The following RICTOR variants were observed in gnomAD, a reference collection of about 807,000 sequenced individuals.
RICTOR encodes the protein RPTOR independent companion of MTOR complex 2.
RICTOR carries 49 observed loss-of-function variants against 214.9 expected under a neutral mutation model. The observed-to-expected ratio is 0.23, with a 90% CI of 0.18 to 0.29. The LOEUF (loss-of-function observed/expected upper bound fraction) is 0.29. Ranked by LOEUF, RICTOR falls within the 10% of genes least tolerant of loss-of-function variation. RICTOR has a pLI of 1.00. For missense variants in RICTOR, 1,625 were observed against 2,047.0 expected, an observed-to-expected ratio of 0.79 and a Z score of 3.98; for synonymous variants, 717 against 711.3, an observed-to-expected ratio of 1.01 and a Z score of -0.13.
Position 39,008,223 on chromosome 5 carries a change from AT to A in RICTOR, c.196-4602del, listed in dbSNP as rs1561526370. ...ATACATCAAAATTTTAACACCAAAA[AT>A]TTTTTTAACAACAACTCCTCTGCGT... is the stretch of plus-strand genomic sequence containing the variant. On this transcript the variant is annotated intron_variant, in intron 3 of 37. Transcript: ENST00000357387. 1.2e-4 allele frequency among the ~76,000 whole-genome samples: 18 copies of A among 152,188 alleles called. No homozygotes were observed. In the South Asian group the frequency reaches 3.7e-3, roughly 32 times the overall value.
chr5:39,051,035 A>G (rs960659850), intron 2 of RICTOR, among the ~76,000 whole-genome samples: 1 of 109,820 alleles, frequency 9.1e-6, no homozygotes, highest in African/African-American at 3.2e-5. Flanking sequence ...CTCCCCATAC[A>G]TATATATACA....
intron 2 of RICTOR, among the ~76,000 whole-genome samples, chr5:39,030,264 TA>T (rs1379766147): frequency 1.3e-5 from 2 of 152,194 alleles, no homozygotes; most frequent in East Asian, 3.9e-4. Context: ...AACAAATCCT[TA>T]AAAAAACTTT....
chr5:39,039,541 A>G (rs1366432195), intron 2 of RICTOR, among the ~76,000 whole-genome samples: 9 of 152,164 alleles, frequency 5.9e-5, no homozygotes, highest in African/African-American at 1.4e-4. Context: ...CCTACAGAAT[A>G]GGAGAAAATT....
intron 11 of RICTOR, among the ~76,000 whole-genome samples, chr5:38,969,435 T>C (rs893474081): frequency 1.3e-5 from 2 of 152,058 alleles, no homozygotes; most frequent in African/African-American, 4.8e-5. Flanking sequence ...TTTAAAAAAT[T>C]TGAAAATTAT....
chr5:39,030,563 T>C (rs1756201414), intron 2 of RICTOR, among the ~76,000 whole-genome samples: 1 of 152,086 alleles, frequency 6.6e-6, no homozygotes, highest in African/African-American at 2.4e-5. Context: ...TAATTTCTAA[T>C]ATTTTCACTC....
At chr5:39,018,118 A>G (rs566580692) in intron 3 of RICTOR, among the ~76,000 whole-genome samples, 83 of 152,226 alleles carry the variant, frequency 5.5e-4, no homozygotes, top group African/African-American at 1.9e-3. Flanking sequence ...AATAGCAGGC[A>G]TTTTAGTGTT....
chr5:38,974,605 G>C (rs1751054784), intron 10 of RICTOR, among the ~76,000 whole-genome samples: 1 of 151,932 alleles, frequency 6.6e-6, no homozygotes, highest in South Asian at 2.1e-4. Flanking sequence ...GTACTGGGGA[G>C]CTGATGAAGT....
At position 38,942,324 on chromosome 5, in the gene RICTOR, C is replaced by G. The variant is rs150691391; in HGVS notation, c.5107G>C (p.Asp1703His). 6.3e-7 allele frequency: 1 copy of G among 1,596,840 alleles called. No homozygotes were observed. The highest frequency in any genetic ancestry group is 1.3e-5 in the African/African-American group (1 of 74,714). Reference protein sequence around the residue: ...LATPPKQPIVDTSAES With the variant: ...LATPPKQPIVHTSAES ...TGAGGTCAGGATTCAGCAGATGTAT[C>G]AACTATAGGTTGCTTTGGTGGTGTT... The change falls in exon 38 of 38, where the codon GAT becomes CAT. Residue 1703 changes from aspartate to histidine, a missense_variant. By Grantham distance (81) the Asp-to-His change is moderately conservative. Around this residue, in one of 5 missense-constraint regions of RICTOR, gnomAD observed 38 missense variants for 34.8 expected, o/e 1.09. Transcript: ENST00000357387.
chr5:38,956,098 A>C (rs1459164916), intron 25 of RICTOR, among the ~76,000 whole-genome samples: 2 of 152,096 alleles, frequency 1.3e-5, no homozygotes, highest in East Asian at 1.9e-4. Context: ...TACTGTATCC[A>C]ATCAGCCCAC....
chr5:38,976,862 C>T (rs1485367371), intron 9 of RICTOR, among the ~76,000 whole-genome samples: 1 of 152,174 alleles, frequency 6.6e-6, no homozygotes, highest in Non-Finnish European at 1.5e-5. Flanking sequence ...TCATCATATG[C>T]AGAATTCTAT....
In RICTOR at chr5:38,955,680, A is replaced by C; in HGVS notation, c.2524T>G (p.Leu842Val). 1 of 1,601,264 alleles carries C rather than the reference A, an allele frequency of 6.2e-7. No individual in the cohort carries two copies. The highest frequency in any genetic ancestry group is 1.3e-5 in the African/African-American group (1 of 74,830). Reference sequence around the variant, plus strand: ...GCTTCATTGAGTTGTTCCTCAATCAAGTCAACATATTTGGAGTTGTATTCC... The same window carrying C: ...GCTTCATTGAGTTGTTCCTCAATCACGTCAACATATTTGGAGTTGTATTCC... Reference protein sequence around the residue: ...HREYNSKYVDLIEEQLNEALT... With the variant: ...HREYNSKYVDVIEEQLNEALT... Residue 842 changes from leucine (L) to valine (V), a missense_variant, in exon 26 of 38, where the codon TTG becomes GTG. This residue lies in a region of RICTOR where 1,214 missense variants were observed against 1,470.5 expected (regional missense o/e 0.83). Transcript: ENST00000357387.
rs1003879309 is a variant in RICTOR, at chr5:38,955,777, T to C, written c.2500-73A>G. ...CTAAATTTAAAATATGTCAGATACT[T>C]AGCAAAGGGTAGACAGATCAAGGTA... On this transcript the variant is annotated intron_variant, in intron 25 of 37. Transcript: ENST00000357387. 12 of 818,620 alleles carry C rather than the reference T, an allele frequency of 1.5e-5. No homozygotes were observed. The African/African-American group carries it at 1.8e-4, about 13-fold the overall frequency. The allele number at this position is 818,620 out of a possible 1,614,324, so 50.7% of individuals were successfully genotyped here.
At chr5:39,060,242 A>G (rs914262016) in intron 2 of RICTOR, among the ~76,000 whole-genome samples, 4 of 152,098 alleles carry the variant, frequency 2.6e-5, no homozygotes, top group African/African-American at 9.7e-5. Context: ...CACTCCAAAA[A>G]ATGACAATAA....
At chr5:39,050,913 A>G (rs1757791549) in intron 2 of RICTOR, among the ~76,000 whole-genome samples, 1 of 152,148 alleles carries the variant, frequency 6.6e-6, no homozygotes, top group African/African-American at 2.4e-5. Context: ...TCATAATGAA[A>G]TATTTTTAAT....
chr5:38,940,564 T>C lies in RICTOR; in HGVS notation c.*1740A>G. ...AGTGATAAAGTATAAAAAAATTATT[T>C]ATCTTCAACTGGATTTTATGAGAGA... On this transcript the variant is annotated 3_prime_UTR_variant, in exon 38 of 38. Transcript: ENST00000357387. 1 of 232,532 alleles carries C rather than the reference T, an allele frequency of 4.3e-6. No individual in the cohort carries two copies. The highest frequency in any genetic ancestry group is 8.5e-6 in the Non-Finnish European group (1 of 117,418). The allele number at this position is 232,532 out of a possible 1,614,324, so 14.4% of individuals were successfully genotyped here.
At position 38,952,189 on chromosome 5, in the gene RICTOR, T is replaced by C. The variant is rs1473875102; in HGVS notation, c.3127+7A>G. 19 of 1,516,322 alleles carry C rather than the reference T, an allele frequency of 1.3e-5. No individual in the cohort carries two copies. The highest frequency in any genetic ancestry group is 1.7e-5 in the Admixed American group (1 of 59,676). The allele number at this position is 1,516,322 out of a possible 1,614,324, so 93.9% of individuals were successfully genotyped here. A position where few individuals can be genotyped will look rare whatever the true frequency, so the allele number is the denominator to read the frequency against. ...CTAACTTTATATGAACCTGTCAGGA[T>C]ACTCACTCGATGGCACAGATTCACT... is the stretch of plus-strand genomic sequence containing the variant. On this transcript the variant is annotated splice_region_variant and intron_variant, in intron 30 of 37. Coordinates refer to ENST00000357387, the MANE Select transcript of RICTOR (RefSeq NM_152756.5).
intron 2 of RICTOR, among the ~76,000 whole-genome samples, chr5:39,053,874 C>CAG (rs1317484573): frequency 8.6e-6 from 1 of 115,658 alleles, no homozygotes; most frequent in African/African-American, 3.8e-5. Context: ...GCCTGGGCGA[C>CAG]AGCGAGACTC....
In RICTOR at chr5:39,074,123, C is replaced by A. The variant is rs2150229778; in HGVS notation, c.85G>T (p.Asp29Tyr). 6.3e-7 allele frequency: 1 copy of A among 1,582,838 alleles called. No individual in the cohort carries two copies. The highest frequency in any genetic ancestry group is 8.6e-7 in the Non-Finnish European group (1 of 1,166,844). The change falls in exon 2 of 38, where the codon GAT becomes TAT. Residue 29 changes from aspartate (D) to tyrosine (Y), a missense_variant. Physicochemically the swap from Asp to Tyr is radical, Grantham distance 160. Around this residue, in one of 5 missense-constraint regions of RICTOR, gnomAD observed 71 missense variants for 57.9 expected, o/e 1.23. Coordinates refer to ENST00000357387, the MANE Select transcript of RICTOR (RefSeq NM_152756.5). ...NDSGEENVPL[D>Y]LTREPSDNLR... ...CGCCCCGCGTTACCTCGGGTCAGAT[C>A]CAGCGGGACGTTCTCCTCGCCGCTG...
At chr5:39,069,779 C>T (rs1294156740) in intron 2 of RICTOR, among the ~76,000 whole-genome samples, 1 of 152,212 alleles carries the variant, frequency 6.6e-6, no homozygotes, top group Non-Finnish European at 1.5e-5. Context: ...TGCTTCCTAA[C>T]TTTCCCCTTC....
Sources: gnomAD v4.1 joint callset for allele counts (sites outside exome capture counted in the v4.1 genomes callset) on GRCh38, gnomAD v4.1.1 for gene constraint, gnomAD v4.1.1 regional missense constraint, MANE v1.5 for transcripts, NCBI Gene and HGNC (gene_info 2026-07-23, HGNC 2026-07-21) for gene names.